The following MROH2B variants were observed in gnomAD, a reference collection of about 807,000 sequenced individuals.
MROH2B encodes the protein maestro heat like repeat family member 2B.
In MROH2B, 177 loss-of-function variants were observed where a neutral mutation model predicts 208.6. The observed-to-expected ratio is 0.85, with a 90% CI of 0.75 to 0.96. MROH2B has a LOEUF of 0.96. Ranked by LOEUF, MROH2B falls within the 40% of genes least tolerant of loss-of-function variation. MROH2B has a pLI of 0.00. For missense variants in MROH2B, 2,002 were observed against 1,878.7 expected (o/e 1.07, Z -1.21); for synonymous variants, 728 against 659.0 (o/e 1.10, Z -1.60).
intron 11 of MROH2B, among the ~76,000 whole-genome samples, 182 bp downstream of exon 11, chr5:41,054,585 T>G (rs1743387353): frequency 6.6e-6 from 1 of 152,234 alleles, no homozygotes; most frequent in African/African-American, 2.4e-5. Flanking sequence ...TTTAGCTGTG[T>G]GTACTTTAGG....
intron 30 of MROH2B, 141 bp downstream of exon 30, chr5:41,012,442 C>A: frequency 1.3e-6 from 1 of 747,500 alleles, no homozygotes; most frequent in Non-Finnish European, 2.1e-6. Flanking sequence ...AAACACACAA[C>A]GTAGGTCTCT....
At chr5:41,027,540 C>A (rs557729646) in intron 24 of MROH2B, among the ~76,000 whole-genome samples, 2 of 152,114 alleles carry the variant, frequency 1.3e-5, no homozygotes, top group Non-Finnish European at 2.9e-5. Flanking sequence ...CAGGAAACAA[C>A]AGGTGCTGGA....
Position 41,018,446 on chromosome 5 carries a change from T to G in MROH2B, c.2674-16A>C. On this transcript the variant is annotated splice_polypyrimidine_tract_variant and intron_variant, in intron 26 of 41. Coordinates refer to ENST00000399564, the MANE Select transcript of MROH2B (RefSeq NM_173489.5). ...TTTGGAGAAGCTGTTGGTCAAAGAA[T>G]AAATGTTCTTTCCTTAGTATTCTTC... 6.2e-7 allele frequency: 1 copy of G among 1,604,818 alleles called. No individual in the cohort carries two copies. The highest frequency in any genetic ancestry group is 8.5e-7 in the Non-Finnish European group (1 of 1,174,484).
intron 24 of MROH2B, among the ~76,000 whole-genome samples, chr5:41,028,202 C>A (rs1234939400): frequency 6.6e-6 from 1 of 151,928 alleles, no homozygotes; most frequent in Non-Finnish European, 1.5e-5. Context: ...AAAAGATATA[C>A]GTAGTAAAAG....
intron 24 of MROH2B, among the ~76,000 whole-genome samples, chr5:41,023,173 T>C (rs545754971): frequency 4.0e-4 from 61 of 152,080 alleles, no homozygotes; most frequent in African/African-American, 1.3e-3. Flanking sequence ...TCACAAGCAA[T>C]GGAACAAAGC....
At chr5:41,036,004 T>C (rs925235681) in intron 21 of MROH2B, among the ~76,000 whole-genome samples, 26 of 151,980 alleles carry the variant, frequency 1.7e-4, no homozygotes, top group Non-Finnish European at 3.5e-4. Context: ...ATTAAAAAAA[T>C]GGATCGTTTT....
intron 18 of MROH2B, among the ~76,000 whole-genome samples, chr5:41,045,062 C>T (rs564172631): frequency 6.6e-6 from 1 of 152,236 alleles, no homozygotes; most frequent in Non-Finnish European, 1.5e-5. Context: ...GGGAAACTGG[C>T]TTCAAACCCC....
chr5:41,033,492 T>C (rs935370959), intron 22 of MROH2B, among the ~76,000 whole-genome samples: 2 of 152,154 alleles, frequency 1.3e-5, no homozygotes, highest in Non-Finnish European at 2.9e-5. Flanking sequence ...ATAATAGTTA[T>C]AGTTTTTACA....
At chr5:41,033,010 G>T (rs4957367) in intron 23 of MROH2B, 31 bp downstream of exon 23, 1 of 1,610,544 alleles carries the variant, frequency 6.2e-7, no homozygotes, top group African/African-American at 1.3e-5. Flanking sequence ...GAATACTCAG[G>T]GCCTTTCTTA....
intron 20 of MROH2B, among the ~76,000 whole-genome samples, chr5:41,039,099 G>A (rs1742859169): frequency 6.6e-6 from 1 of 152,110 alleles, no homozygotes; most frequent in Admixed American, 6.5e-5. Context: ...AGAGGTAACT[G>A]GGAGAAGCTT....
intron 24 of MROH2B, among the ~76,000 whole-genome samples, chr5:41,026,658 A>G (rs2150162827): frequency 6.6e-6 from 1 of 152,298 alleles, no homozygotes; most frequent in South Asian, 2.1e-4. Context: ...GCTACCCATG[A>G]CTTTCTTCAT....
chr5:41,007,888 A>G (rs79030087), intron 33 of MROH2B, among the ~76,000 whole-genome samples: 103 of 152,310 alleles, frequency 6.8e-4, no homozygotes, highest in Non-Finnish European at 1.3e-3. Context: ...TTATATTACC[A>G]TCATTTTAGT....
intron 18 of MROH2B, 39 bp from the exon 19 acceptor site, chr5:41,042,247 G>A: frequency 8.0e-7 from 1 of 1,249,584 alleles, no homozygotes; most frequent in Non-Finnish European, 1.1e-6. Context: ...TTTAAGGGTT[G>A]GAAAGCAAGA....
chr5:41,009,722 G>A (rs540457071), intron 31 of MROH2B, among the ~76,000 whole-genome samples, 200 bp downstream of exon 31: 1 of 152,144 alleles, frequency 6.6e-6, no homozygotes, highest in Non-Finnish European at 1.5e-5. Flanking sequence ...ATATTATTAT[G>A]CAATACATAT....
At chr5:41,003,061 A>G (rs1741454027) in intron 37 of MROH2B, among the ~76,000 whole-genome samples, 1 of 151,430 alleles carries the variant, frequency 6.6e-6, no homozygotes, top group African/African-American at 2.4e-5. Context: ...CCCGTGTTCA[A>G]GCGATTATCC....
rs370518208 is a variant in MROH2B at position 41,012,613 on chromosome 5, C to A, written c.3105G>T (p.Leu1035=). The A allele has an allele frequency of 2.8e-5, 45 of 1,613,198 alleles. No individual in the cohort carries two copies. In the African/African-American group the frequency reaches 3.6e-4, roughly 13 times the overall value. The change falls in exon 30 of 42, where the codon CTG becomes CTT. Residue 1035 remains leucine, a synonymous_variant. Transcript: ENST00000399564. The part of the protein sequence containing the change: ...KACGIWMITV[L]KQQGAALEDQ... ...CTTCCAGAGCAGCTCCCTGCTGCTT[C>A]AGGACAGTGATCATCCATATGCCAC...
chr5:41,005,592 A>G lies in MROH2B; in HGVS notation c.3803T>C (p.Leu1268Pro), dbSNP rs1408458248. 3.7e-6 allele frequency: 6 copies of G among 1,612,046 alleles called. No individual in the cohort carries two copies. In the African/African-American group the frequency reaches 4.0e-5, roughly 11 times the overall value. ...GVILDIMEQLLSSLTSSSENY... is the reference protein window; with the variant it reads ...GVILDIMEQLPSSLTSSSENY... ...CTCCGAGGAGGAGGTAAGAGATGAG[A>G]GCAGCTGTTCCATGATGTCCAGTAT... is the stretch of plus-strand genomic sequence containing the variant. Residue 1268 changes from leucine to proline, a missense_variant, in exon 35 of 42, where the codon CTC becomes CCC. Transcript: ENST00000399564.
chr5:41,068,128 C>T lies in MROH2B; in HGVS notation c.91-910G>A, dbSNP rs183284625. Among the ~76,000 whole-genome samples the T allele has an allele frequency of 4.6e-3, 694 of 152,300 alleles. 6 individuals are homozygous for T. Among genetic ancestry groups the T allele is most frequent in the Non-Finnish European group, 7.0e-3 (475 of 68,022 alleles). On this transcript the variant is annotated intron_variant, in intron 2 of 41. Coordinates refer to ENST00000399564, the MANE Select transcript of MROH2B (RefSeq NM_173489.5). ...GGATGATGAAAGAGAGACTGGTGTA[C>T]TGAAATCTCCAACAGCTTCAACATG...
intron 33 of MROH2B, 42 bp from the exon 34 acceptor site, chr5:41,007,496 A>C: frequency 7.0e-7 from 1 of 1,431,800 alleles, no homozygotes; most frequent in African/African-American, 1.4e-5. Context: ...GTTGACCCTT[A>C]TAGGGAATTG....
Sources: allele counts gnomAD v4.1 joint callset (sites outside exome capture counted in the v4.1 genomes callset), GRCh38; gene constraint gnomAD v4.1.1; transcripts MANE v1.5; gene names NCBI Gene and HGNC (gene_info 2026-07-23, HGNC 2026-07-21).